Variants in ANKH observed in about 807,000 individuals in gnomAD.
ANKH encodes the protein ANKH inorganic pyrophosphate transport regulator.
Under a neutral mutation model 49.0 loss-of-function variants are expected in ANKH, and 15 were observed. The observed-to-expected ratio is 0.31, with a 90% CI of 0.20 to 0.47. The LOEUF (loss-of-function observed/expected upper bound fraction) is 0.47, where lower values mean the gene tolerates loss of function less well. Ranked by LOEUF, ANKH falls within the 20% of genes least tolerant of loss-of-function variation. The probability of loss-of-function intolerance (pLI) is 1.00; values close to 1 mark genes in which losing one functional copy is unlikely to be tolerated. For synonymous variants in ANKH, 273 were observed against 260.0 expected, an observed-to-expected ratio of 1.05 and a Z score of -0.48; for missense variants, 429 against 652.0, an observed-to-expected ratio of 0.66 and a Z score of 3.72.
intron 1 of ANKH, among the ~76,000 whole-genome samples, chr5:14,855,604 T>C (rs934479182): frequency 6.6e-6 from 1 of 152,058 alleles, no homozygotes; most frequent in African/African-American, 2.4e-5. Flanking sequence ...GTCAACAAAA[T>C]TGAGAAAGAC....
chr5:14,717,497 GA>G (rs1242133900), intron 8 of ANKH, among the ~76,000 whole-genome samples: 1 of 152,252 alleles, frequency 6.6e-6, no homozygotes, highest in African/African-American at 2.4e-5. Context: ...CTTCCCCACA[GA>G]TCAGAAAGTG....
intron 1 of ANKH, among the ~76,000 whole-genome samples, chr5:14,861,977 T>C (rs1735508106): frequency 6.6e-6 from 1 of 152,230 alleles, no homozygotes. Flanking sequence ...AGCTCACACC[T>C]GTAATCCCAG....
intron 1 of ANKH, among the ~76,000 whole-genome samples, chr5:14,803,812 T>C (rs982882618): frequency 6.6e-6 from 1 of 152,204 alleles, no homozygotes; most frequent in Non-Finnish European, 1.5e-5. Flanking sequence ...ATAACTATCA[T>C]GTGTTACTGG....
intron 1 of ANKH, among the ~76,000 whole-genome samples, chr5:14,792,991 AATAT>A (rs1258411807): frequency 0.15 from 12,378 of 84,848 alleles, 803 homozygotes; most frequent in Admixed American, 0.19. Flanking sequence ...TATATATAAA[AATAT>A]ATATATATAT....
In ANKH at chr5:14,844,873, C is replaced by T. The variant is rs73054632; in HGVS notation, c.96+26479G>A. Among the ~76,000 whole-genome samples the T allele has an allele frequency of 4.7e-3, 711 of 152,256 alleles. 4 individuals carry two copies. The highest frequency in any genetic ancestry group is 0.016 in the African/African-American group (667 of 41,548). On this transcript the variant is annotated intron_variant, in intron 1 of 11. Coordinates refer to ENST00000284268, the MANE Select transcript of ANKH (RefSeq NM_054027.6). ...CATTGTCTTGGTCTCAGAGAACTCC[C>T]AAGTTTCTGGGAGCATCTTTCGGGA... is the stretch of plus-strand genomic sequence containing the variant.
intron 1 of ANKH, among the ~76,000 whole-genome samples, chr5:14,858,254 C>T (rs1452670702): frequency 6.6e-6 from 1 of 152,150 alleles, no homozygotes; most frequent in African/African-American, 2.4e-5. Flanking sequence ...TTTTATCCCT[C>T]ACCCGCCTCC....
intron 1 of ANKH, among the ~76,000 whole-genome samples, chr5:14,791,135 C>T (rs1405492450): frequency 6.6e-6 from 1 of 152,164 alleles, no homozygotes; most frequent in African/African-American, 2.4e-5. Context: ...TAAACCCAGC[C>T]ACGTAAGCTG....
chr5:14,786,734 C>T (rs1419999699), intron 1 of ANKH, among the ~76,000 whole-genome samples: 1 of 152,168 alleles, frequency 6.6e-6, no homozygotes, highest in African/African-American at 2.4e-5. Context: ...GTGTAAGCTG[C>T]TATAATTGTG....
intron 1 of ANKH, among the ~76,000 whole-genome samples, chr5:14,827,477 T>C (rs896576360): frequency 2.6e-5 from 4 of 152,216 alleles, no homozygotes; most frequent in African/African-American, 9.6e-5. Flanking sequence ...CATGCCGCTG[T>C]GGCATTATTC....
intron 8 of ANKH, among the ~76,000 whole-genome samples, chr5:14,717,859 C>CT (rs1394897927): frequency 2.6e-5 from 4 of 152,190 alleles, no homozygotes; most frequent in Non-Finnish European, 5.9e-5. Context: ...TAAACATTTA[C>CT]TTTGAGAGTC....
chr5:14,748,858 C>T (rs1738622806), intron 6 of ANKH, among the ~76,000 whole-genome samples: 1 of 152,232 alleles, frequency 6.6e-6, no homozygotes, highest in South Asian at 2.1e-4. Flanking sequence ...GTCAGAAAAC[C>T]TGGATTCTAA....
chr5:14,761,616 C>T (rs1424475784), intron 2 of ANKH, among the ~76,000 whole-genome samples: 1 of 152,134 alleles, frequency 6.6e-6, no homozygotes, highest in African/African-American at 2.4e-5. Flanking sequence ...ACCTTGAAGC[C>T]ACTTGCTATG....
At chr5:14,741,494 G>A (rs153932) in intron 8 of ANKH, 63,445 of 276,312 alleles carry the variant, frequency 0.23, 8,579 homozygotes, top group African/African-American at 0.41. Context: ...AGAGACAGGG[G>A]TGGTTGTAAA....
chr5:14,812,392 A>G (rs1297450528), intron 1 of ANKH, among the ~76,000 whole-genome samples: 1 of 152,152 alleles, frequency 6.6e-6, no homozygotes, highest in South Asian at 2.1e-4. Flanking sequence ...CCTGTGACGA[A>G]ACAGTCTCTC....
intron 9 of ANKH, among the ~76,000 whole-genome samples, chr5:14,715,128 CTTTCTT>C (rs1737398450): frequency 6.6e-6 from 1 of 151,764 alleles, no homozygotes; most frequent in African/African-American, 2.4e-5. Flanking sequence ...TCCATGGCTC[CTTTCTT>C]TTTCTTTTTG....
At chr5:14,721,397 C>T (rs541886048) in intron 8 of ANKH, among the ~76,000 whole-genome samples, 43 of 152,210 alleles carry the variant, frequency 2.8e-4, no homozygotes, top group Admixed American at 5.2e-4. Context: ...CGCGGGGTAT[C>T]GGAACTGGAA....
chr5:14,836,782 T>C (rs990942866), intron 1 of ANKH, among the ~76,000 whole-genome samples: 3 of 152,136 alleles, frequency 2.0e-5, no homozygotes, highest in Non-Finnish European at 4.4e-5. Flanking sequence ...AAAGTTCATA[T>C]GGAACCAAAA....
chr5:14,839,691 T>C (rs552015145), intron 1 of ANKH, among the ~76,000 whole-genome samples: 1 of 152,306 alleles, frequency 6.6e-6, no homozygotes, highest in Non-Finnish European at 1.5e-5. Flanking sequence ...TAGAAGAAAC[T>C]TCAAGACACT....
intron 1 of ANKH, among the ~76,000 whole-genome samples, chr5:14,810,264 T>C (rs1740839953): frequency 6.6e-6 from 1 of 151,960 alleles, no homozygotes; most frequent in Admixed American, 6.6e-5. Flanking sequence ...CTCAAGAGAT[T>C]CTCCTGCCTC....
Sources: allele counts gnomAD v4.1 joint callset (sites outside exome capture counted in the v4.1 genomes callset), GRCh38; gene constraint gnomAD v4.1.1; transcripts MANE v1.5; gene names NCBI Gene and HGNC (gene_info 2026-07-23, HGNC 2026-07-21).